The following PHC3 variants were observed in gnomAD, a reference collection of about 807,000 sequenced individuals.
The protein encoded by PHC3 is polyhomeotic homolog 3, also known as polyhomeotic-like protein 3.
In PHC3, 13 loss-of-function variants were observed where a neutral mutation model predicts 107.4. The ratio of observed to expected loss-of-function variants is 0.12; its 90% CI spans 0.08 to 0.19. The LOEUF (loss-of-function observed/expected upper bound fraction) is 0.19, where lower values mean the gene tolerates loss of function less well. PHC3 is among the 10% of genes least tolerant of loss of function. The pLI, the probability that PHC3 is intolerant of heterozygous loss-of-function variation, is 1.00. For missense variants in PHC3, 992 were observed against 1,210.9 expected, an observed-to-expected ratio of 0.82 and a Z score of 2.68; for synonymous variants, 456 against 427.4, an observed-to-expected ratio of 1.07 and a Z score of -0.83.
intron 14 of PHC3, among the ~76,000 whole-genome samples, chr3:170,101,124 A>G (rs1189166357): frequency 6.6e-6 from 1 of 152,220 alleles, no homozygotes; most frequent in Admixed American, 6.5e-5. Context: ...AGTTTAAAAC[A>G]GATTCTAAAT....
intron 4 of PHC3, among the ~76,000 whole-genome samples, chr3:170,164,826 C>T (rs751416345): frequency 3.3e-5 from 5 of 152,138 alleles, no homozygotes; most frequent in Non-Finnish European, 7.3e-5. Context: ...AGGGCACAGC[C>T]GTGCAACACA....
intron 4 of PHC3, among the ~76,000 whole-genome samples, chr3:170,161,911 T>A (rs187384671): frequency 6.6e-6 from 1 of 152,184 alleles, no homozygotes. Flanking sequence ...AAAGGTCCTA[T>A]CTCTAATACA....
At chr3:170,152,129 T>C (rs1438064490) in intron 4 of PHC3, among the ~76,000 whole-genome samples, 5 of 151,990 alleles carry the variant, frequency 3.3e-5, no homozygotes, top group Admixed American at 3.3e-4. Context: ...ATACCACTAA[T>C]ACAATACAGA....
chr3:170,159,251 CA>C (rs1278767405), intron 4 of PHC3, among the ~76,000 whole-genome samples: 12,483 of 69,628 alleles, frequency 0.18, 241 homozygotes, highest in East Asian at 0.26. Flanking sequence ...GACTCGGTCT[CA>C]AAAAAAAAAA....
rs1436695856 is a variant in PHC3 at position 170,094,758 on chromosome 3, CAG to C, written c.*2470_*2471del. 1 of 152,082 alleles carries C rather than the reference CAG, an allele frequency of 6.6e-6. No individual in the cohort carries two copies. Among genetic ancestry groups the C allele is most frequent in the Non-Finnish European group, 1.5e-5 (1 of 68,012 alleles). 9.4% of individuals were successfully genotyped at this position (152,082 alleles called of 1,614,324 possible). ...TTGTGTATGTTTTGAGTGGGGACAACAGAGATCTGGACTAGATTTAAGATTAT... is the reference window on the plus strand; with the variant it reads ...TTGTGTATGTTTTGAGTGGGGACAACAGATCTGGACTAGATTTAAGATTAT... On this transcript the variant is annotated 3_prime_UTR_variant, in exon 15 of 15. Transcript: ENST00000495893.
At chr3:170,150,530 C>T (rs1725734461) in intron 4 of PHC3, 2 of 73,880 alleles carry the variant, frequency 2.7e-5, no homozygotes, top group Middle Eastern at 6.8e-3. Context: ...CCTGTCTCTA[C>T]TAAAAAAAAA....
Position 170,102,806 on chromosome 3 carries a change from C to G in PHC3, c.2597G>C (p.Arg866Thr), listed in dbSNP as rs1715731679. 3 of 1,613,880 alleles carry G rather than the reference C, an allele frequency of 1.9e-6. No homozygotes were observed. Among genetic ancestry groups the G allele is most frequent in the African/African-American group, 2.7e-5 (2 of 75,034 alleles). ...PDGAAREHIL[R>T]QLPITYPSAE... ...TGAAGCAAGGTTTATACAGACCTGC[C>G]TAAGGATATGTTCTCTCGCTGCCCC... Residue 866 changes from arginine (R) to threonine (T), a missense_variant, in exon 13 of 15, where the codon AGG becomes ACG. Coordinates refer to ENST00000495893, the MANE Select transcript of PHC3 (RefSeq NM_024947.4).
intron 11 of PHC3, among the ~76,000 whole-genome samples, chr3:170,107,522 T>C (rs1336019058): frequency 3.9e-5 from 6 of 152,276 alleles, no homozygotes; most frequent in Admixed American, 3.9e-4. Context: ...GGCAGAAGAA[T>C]CGTTTGAGAC....
rs2108794180 is a variant in PHC3 at position 170,178,790 on chromosome 3, C to T, written c.163G>A (p.Asp55Asn). Reference protein sequence around the residue: ...QPQISVYSGSDRHAVQVIQQA... With the variant: ...QPQISVYSGSNRHAVQVIQQA... Reference sequence around the variant, plus strand: ...TGAAATACCTGTACAGCATGTCGGTCTGAACCACTGTAGACAGAGATCTGT... The same window carrying T: ...TGAAATACCTGTACAGCATGTCGGTTTGAACCACTGTAGACAGAGATCTGT... The change falls in exon 2 of 15, where the codon GAC (aspartate) becomes AAC (asparagine). Residue 55 changes from aspartate (D) to asparagine (N), a missense_variant. Asp to Asn is a conservative substitution (Grantham distance 23). Around this residue, in one of 6 missense-constraint regions of PHC3, gnomAD observed 161 missense variants for 183.7 expected, o/e 0.88. Coordinates refer to ENST00000495893, the MANE Select transcript of PHC3 (RefSeq NM_024947.4). 1.2e-6 allele frequency: 2 copies of T among 1,613,998 alleles called. No individual in the cohort carries two copies. Among genetic ancestry groups the T allele is most frequent in the East Asian group, 2.2e-5 (1 of 44,872 alleles).
intron 4 of PHC3, among the ~76,000 whole-genome samples, chr3:170,157,679 T>C (rs922810223): frequency 6.6e-6 from 1 of 152,116 alleles, no homozygotes; most frequent in Non-Finnish European, 1.5e-5. Flanking sequence ...AGCAAATGAT[T>C]TTCTCTCAGG....
chr3:170,152,668 T>C (rs967568523), intron 4 of PHC3, among the ~76,000 whole-genome samples: 7 of 141,986 alleles, frequency 4.9e-5, no homozygotes, highest in African/African-American at 1.9e-4. Context: ...ACTTTTCTTC[T>C]TTTTTTTTTT....
In PHC3 at chr3:170,141,241, A is replaced by G. The variant is rs946755050; in HGVS notation, c.672+4182T>C. On this transcript the variant is annotated intron_variant, in intron 6 of 14. Coordinates refer to ENST00000495893, the MANE Select transcript of PHC3 (RefSeq NM_024947.4). ...TTGACGAAAGTTATCACTGGAATGC[A>G]TAAGTGTGAGCATCACCTACCAATG... Among the ~76,000 whole-genome samples the G allele has an allele frequency of 9.8e-5, 15 of 152,374 alleles. No homozygotes were observed. In the East Asian group the frequency reaches 1.9e-3, roughly 20 times the overall value.
chr3:170,156,445 C>G (rs1560108031), intron 4 of PHC3, among the ~76,000 whole-genome samples: 1 of 151,712 alleles, frequency 6.6e-6, no homozygotes, highest in Non-Finnish European at 1.5e-5. Context: ...TTAGTAGAGA[C>G]GAGTTTCGCC....
intron 4 of PHC3, among the ~76,000 whole-genome samples, chr3:170,156,511 C>T (rs1726924116): frequency 6.6e-6 from 1 of 152,160 alleles, no homozygotes. Context: ...CTCGGCCTCC[C>T]AAAATGTTGG....
chr3:170,145,225 CTG>C (rs1724751495), intron 6 of PHC3, among the ~76,000 whole-genome samples, 196 bp downstream of exon 6: 2 of 152,338 alleles, frequency 1.3e-5, no homozygotes, highest in South Asian at 2.1e-4. Context: ...ACCTAAATAT[CTG>C]TGTTTAATGG....
intron 1 of PHC3, 66 bp from the exon 2 acceptor site, chr3:170,179,004 A>AT: frequency 1.4e-6 from 2 of 1,421,860 alleles, no homozygotes; most frequent in Non-Finnish European, 1.9e-6. Flanking sequence ...AAGAATATTC[A>AT]TTCCAAAGAA....
intron 4 of PHC3, among the ~76,000 whole-genome samples, chr3:170,157,062 T>C (rs1727015072): frequency 6.6e-6 from 1 of 152,192 alleles, no homozygotes; most frequent in South Asian, 2.1e-4. Flanking sequence ...GAAAGAAAAC[T>C]TGCAATGTCA....
chr3:170,132,946 A>G (rs959282721), intron 7 of PHC3, among the ~76,000 whole-genome samples: 1 of 152,222 alleles, frequency 6.6e-6, no homozygotes, highest in African/African-American at 2.4e-5. Flanking sequence ...AGAATTTACT[A>G]TGTATCAAGT....
In PHC3 at chr3:170,087,947, A is replaced by C. The variant is rs1713657797; in HGVS notation, c.*9283T>G. The stretch of plus-strand genomic sequence containing the variant: ...TTCTCTTTTTTAAAAAAATACACCA[A>C]ATGGACACTTTTTACATAGATCAAA... On this transcript the variant is annotated 3_prime_UTR_variant, in exon 15 of 15. Transcript: ENST00000495893. 1 of 152,176 alleles carries C rather than the reference A, an allele frequency of 6.6e-6. No homozygotes were observed. The highest frequency in any genetic ancestry group is 1.5e-5 in the Non-Finnish European group (1 of 68,018). 9.4% of individuals were successfully genotyped at this position (152,176 alleles called of 1,614,324 possible).
Sources: allele counts gnomAD v4.1 joint callset (sites outside exome capture counted in the v4.1 genomes callset), GRCh38; gene constraint gnomAD v4.1.1; regional missense constraint gnomAD v4.1.1; transcripts MANE v1.5; gene names NCBI Gene and HGNC (gene_info 2026-07-23, HGNC 2026-07-21).